Variants in LYN observed in about 807,000 individuals in gnomAD.
LYN encodes LYN proto-oncogene, Src family tyrosine kinase.
Under a neutral mutation model 65.0 loss-of-function variants are expected in LYN, and 12 were observed. That is an observed-to-expected ratio of 0.18 (90% CI 0.12 to 0.30). The LOEUF (loss-of-function observed/expected upper bound fraction) is 0.30. LYN is among the 10% of genes least tolerant of loss of function. The pLI, the probability that LYN is intolerant of heterozygous loss-of-function variation, is 1.00. For synonymous variants in LYN, 222 were observed against 221.2 expected, an observed-to-expected ratio of 1.00 and a Z score of -0.03; for missense variants, 380 against 623.2, an observed-to-expected ratio of 0.61 and a Z score of 4.16.
At chr8:55,917,112 G>T (rs1805799032) in intron 1 of LYN, among the ~76,000 whole-genome samples, 1 of 151,796 alleles carries the variant, frequency 6.6e-6, no homozygotes. Context: ...AGGAGACGAG[G>T]CTGCAGTGAG....
intron 1 of LYN, among the ~76,000 whole-genome samples, chr8:55,924,477 CT>C (rs1806042207): frequency 6.6e-6 from 1 of 152,000 alleles, no homozygotes; most frequent in South Asian, 2.1e-4. Context: ...ATTCTCCTGC[CT>C]CAGCCTCCCT....
intron 1 of LYN, among the ~76,000 whole-genome samples, chr8:55,926,812 A>G (rs1016593069): frequency 1.3e-5 from 2 of 152,236 alleles, no homozygotes; most frequent in Admixed American, 6.5e-5. Context: ...CTGTGCTGCC[A>G]CAATATACTT....
intron 4 of LYN, 87 bp downstream of exon 4, chr8:55,947,810 A>G (rs1374168567): frequency 3.3e-6 from 3 of 911,532 alleles, no homozygotes; most frequent in Non-Finnish European, 5.4e-6. Flanking sequence ...TTCTGGTGCT[A>G]CAGCCATAGC....
chr8:55,911,098 T>TATATATATATATATACACAC (rs1162508957), intron 1 of LYN, among the ~76,000 whole-genome samples: 1 of 11,692 alleles, frequency 8.6e-5, no homozygotes, highest in African/African-American at 3.4e-4. Flanking sequence ...TATATATATA[T>TATATATATATATATACACAC]ACATACACGT....
At chr8:55,945,103 T>A (rs1352955703) in intron 2 of LYN, among the ~76,000 whole-genome samples, 1 of 152,108 alleles carries the variant, frequency 6.6e-6, no homozygotes, top group East Asian at 1.9e-4. Context: ...GGGAATTTGA[T>A]GAGAAGGTGA....
At chr8:55,960,706 C>A (rs7818706) in intron 8 of LYN, among the ~76,000 whole-genome samples, 2,635 of 152,288 alleles carry the variant, frequency 0.017, 70 homozygotes, top group African/African-American at 0.06. Context: ...AATTAAAATT[C>A]TATCACTGTT....
At chr8:55,885,824 C>A (rs1937522573) in intron 1 of LYN, among the ~76,000 whole-genome samples, 1 of 152,240 alleles carries the variant, frequency 6.6e-6, no homozygotes, top group African/African-American at 2.4e-5. Context: ...GGAAGTGATA[C>A]TTCCTCCACC....
At chr8:55,939,462 A>G (rs975365140) in intron 1 of LYN, among the ~76,000 whole-genome samples, 3 of 148,250 alleles carry the variant, frequency 2.0e-5, no homozygotes, top group African/African-American at 7.6e-5. Context: ...TTCCCAAGAG[A>G]AGAGAGAGAG....
intron 1 of LYN, among the ~76,000 whole-genome samples, chr8:55,907,171 C>T (rs1805451329): frequency 6.6e-6 from 1 of 152,070 alleles, no homozygotes; most frequent in Non-Finnish European, 1.5e-5. Context: ...ATTATGCAAC[C>T]CTGGAAATAT....
Position 55,953,849 on chromosome 8 carries a change from T to G in LYN, c.655T>G (p.Cys219Gly), listed in dbSNP as rs1807023625. The change falls in exon 8 of 13, where the codon TGC becomes GGC. Residue 219 changes from cysteine (C) to glycine (G), a missense_variant. Around this residue, in one of 2 missense-constraint regions of LYN, gnomAD observed 223 missense variants for 430.0 expected, o/e 0.52. Coordinates refer to ENST00000519728, the MANE Select transcript of LYN (RefSeq NM_002350.4). ...KHYQKQADGL[C>G]RRLEKACISP... ...CAAATTAGAGCAGGCAGATGGCTTG[T>G]GCAGAAGATTGGAGAAGGCTTGTAT... is the stretch of plus-strand genomic sequence containing the variant. 1 of 1,613,906 alleles carries G rather than the reference T, an allele frequency of 6.2e-7. No individual in the cohort carries two copies. Among genetic ancestry groups the G allele is most frequent in the Non-Finnish European group, 8.5e-7 (1 of 1,179,992 alleles).
intron 1 of LYN, among the ~76,000 whole-genome samples, chr8:55,930,841 G>T (rs28373742): frequency 6.6e-6 from 1 of 151,928 alleles, no homozygotes; most frequent in African/African-American, 2.4e-5. Flanking sequence ...CCTTGGCAGG[G>T]CCTGTTTCTT....
intron 8 of LYN, among the ~76,000 whole-genome samples, chr8:55,958,480 C>T (rs1186863507): frequency 2.0e-5 from 3 of 152,154 alleles, no homozygotes; most frequent in Non-Finnish European, 2.9e-5. Flanking sequence ...GTTAAATACA[C>T]GTGACATAAA....
intron 1 of LYN, among the ~76,000 whole-genome samples, chr8:55,922,543 G>A (rs2130435365): frequency 6.6e-6 from 1 of 152,252 alleles, no homozygotes; most frequent in East Asian, 1.9e-4. Flanking sequence ...GGGAGGCCGA[G>A]GCGGGTGAAT....
chr8:55,972,906 G>A (rs977674487), intron 10 of LYN, among the ~76,000 whole-genome samples: 1 of 152,226 alleles, frequency 6.6e-6, no homozygotes, highest in Non-Finnish European at 1.5e-5. Flanking sequence ...TAGGCTGTGC[G>A]ATAATGATGC....
chr8:55,998,565 G>A, intron 11 of LYN, 66 bp downstream of exon 11: 6 of 1,504,120 alleles, frequency 4.0e-6, no homozygotes, highest in Non-Finnish European at 5.5e-6. Flanking sequence ...GTCTGTTTTT[G>A]ACAAAGCAAT....
At chr8:55,888,838 G>A (rs1013339188) in intron 1 of LYN, among the ~76,000 whole-genome samples, 1 of 152,028 alleles carries the variant, frequency 6.6e-6, no homozygotes, top group South Asian at 2.1e-4. Context: ...ACGCCTGGCC[G>A]AATCCCTGGT....
intron 1 of LYN, among the ~76,000 whole-genome samples, chr8:55,881,850 T>C (rs1292504748): frequency 1.3e-5 from 2 of 152,144 alleles, no homozygotes; most frequent in African/African-American, 4.8e-5. Context: ...ATCTGTCTTG[T>C]CCAAAATGAT....
At chr8:55,891,340 G>A (rs13274397) in intron 1 of LYN, among the ~76,000 whole-genome samples, 57,929 of 147,586 alleles carry the variant, frequency 0.39, 11,956 homozygotes, top group East Asian at 0.68. Flanking sequence ...CAACAAGAGC[G>A]AAACTCCGGC....
chr8:56,006,825 C>T lies in LYN; in HGVS notation c.1337-3083C>T, dbSNP rs531845966. Among the ~76,000 whole-genome samples the T allele has an allele frequency of 4.6e-5, 7 of 152,360 alleles. No homozygotes were observed. The East Asian group carries it at 1.3e-3, about 29-fold the overall frequency. ...TTAGCGACAGGCCAACACCAACTAT[C>T]ACATGTAATCTTAGGGTCTGGTTGA... is the stretch of plus-strand genomic sequence containing the variant. On this transcript the variant is annotated intron_variant, in intron 12 of 12. Coordinates refer to ENST00000519728, the MANE Select transcript of LYN (RefSeq NM_002350.4).
Sources: gnomAD v4.1 joint callset for allele counts (sites outside exome capture counted in the v4.1 genomes callset) on GRCh38, gnomAD v4.1.1 for gene constraint, gnomAD v4.1.1 regional missense constraint, MANE v1.5 for transcripts, NCBI Gene and HGNC (gene_info 2026-07-23, HGNC 2026-07-21) for gene names.